The following SLC7A7 variants were observed in gnomAD, a reference collection of about 807,000 sequenced individuals.
SLC7A7 encodes the protein solute carrier family 7 member 7.
SLC7A7 carries 39 observed loss-of-function variants against 47.9 expected under a neutral mutation model. The observed-to-expected ratio is 0.81, with a 90% CI of 0.63 to 1.06. SLC7A7 has a LOEUF of 1.06. Ranked by LOEUF, SLC7A7 falls within the 50% of genes least tolerant of loss-of-function variation. The pLI is 0.00. For synonymous variants in SLC7A7, 234 were observed against 242.8 expected (o/e 0.96, Z 0.34); for missense variants, 588 against 632.0 (o/e 0.93, Z 0.75).
chr14:22,782,191 C>A (rs1328947932), intron 2 of SLC7A7, among the ~76,000 whole-genome samples: 1 of 152,028 alleles, frequency 6.6e-6, no homozygotes, highest in African/African-American at 2.4e-5. Flanking sequence ...CAACATCTGC[C>A]TCCCGGGTTC....
chr14:22,796,802 C>T (rs2039029263), intron 2 of SLC7A7, among the ~76,000 whole-genome samples: 1 of 152,196 alleles, frequency 6.6e-6, no homozygotes, highest in Non-Finnish European at 1.5e-5. Context: ...AGCTGGACTT[C>T]TGGACACCTA....
At chr14:22,813,960 T>C (rs1238388577) in intron 1 of SLC7A7, among the ~76,000 whole-genome samples, 2 of 151,610 alleles carry the variant, frequency 1.3e-5, no homozygotes, top group Non-Finnish European at 2.9e-5. Flanking sequence ...CCAGCTAATT[T>C]TGTATTTTTA....
chr14:22,775,377 T>C, intron 7 of SLC7A7, 67 bp downstream of exon 7: 3 of 1,218,160 alleles, frequency 2.5e-6, no homozygotes, highest in Non-Finnish European at 3.7e-6. Context: ...GCTAGAACAG[T>C]CGCTTCTGCT....
chr14:22,774,278 G>C, intron 8 of SLC7A7, 76 bp downstream of exon 8: 1 of 1,610,110 alleles, frequency 6.2e-7, no homozygotes, highest in Non-Finnish European at 8.5e-7. Context: ...TCTAAATAAA[G>C]TGCTTTGTCA....
At chr14:22,788,765 A>G (rs780300516) in intron 2 of SLC7A7, among the ~76,000 whole-genome samples, 37 of 152,088 alleles carry the variant, frequency 2.4e-4, no homozygotes, top group Admixed American at 6.6e-4. Context: ...GAAGAATCTC[A>G]AACATAATAA....
chr14:22,812,583 G>T (rs1373822892), intron 2 of SLC7A7, among the ~76,000 whole-genome samples: 1 of 149,598 alleles, frequency 6.7e-6, no homozygotes, highest in Non-Finnish European at 1.5e-5. Flanking sequence ...CTGAAGTAAG[G>T]TATAATCACA....
intron 2 of SLC7A7, among the ~76,000 whole-genome samples, chr14:22,809,541 C>T (rs757281434): frequency 1.3e-5 from 2 of 152,102 alleles, no homozygotes; most frequent in African/African-American, 2.4e-5. Flanking sequence ...CGGGGTTTCA[C>T]CATGTTGGCC....
intron 7 of SLC7A7, among the ~76,000 whole-genome samples, chr14:22,774,975 G>A (rs767326643): frequency 2.0e-5 from 3 of 152,092 alleles, no homozygotes; most frequent in Non-Finnish European, 4.4e-5. Context: ...AACCCATACT[G>A]CTTTATCACA....
At chr14:22,785,016 C>T (rs1271533228) in intron 2 of SLC7A7, among the ~76,000 whole-genome samples, 1 of 152,186 alleles carries the variant, frequency 6.6e-6, no homozygotes, top group African/African-American at 2.4e-5. Flanking sequence ...CGGTGGTTCG[C>T]GCCTGTAATC....
At chr14:22,803,920 A>G (rs548446130) in intron 2 of SLC7A7, among the ~76,000 whole-genome samples, 23 of 152,246 alleles carry the variant, frequency 1.5e-4, no homozygotes, top group Admixed American at 1.2e-3. Context: ...TGCTTTATAG[A>G]GCCCAACATG....
At chr14:22,787,326 C>T (rs1367508627) in intron 2 of SLC7A7, among the ~76,000 whole-genome samples, 1 of 152,118 alleles carries the variant, frequency 6.6e-6, no homozygotes, top group Non-Finnish European at 1.5e-5. Context: ...GTCCCAGCTA[C>T]TCGGGAGGCT....
At chr14:22,817,551 G>C (rs1419851351), upstream of SLC7A7, among the ~76,000 whole-genome samples, 1 of 152,166 alleles carries the variant, frequency 6.6e-6, no homozygotes, top group African/African-American at 2.4e-5. Flanking sequence ...ACATTGACCA[G>C]GATGGTCTTA....
intron 2 of SLC7A7, among the ~76,000 whole-genome samples, chr14:22,782,271 T>C (rs755767181): frequency 6.6e-6 from 1 of 150,944 alleles, no homozygotes; most frequent in Non-Finnish European, 1.5e-5. Flanking sequence ...CCCAGCTAAT[T>C]TTTATATTTT....
intron 2 of SLC7A7, among the ~76,000 whole-genome samples, chr14:22,808,526 A>G (rs7146300): frequency 0.61 from 92,655 of 152,126 alleles, 28,609 homozygotes; most frequent in East Asian, 0.8. Context: ...GTGCCTGAAG[A>G]CCAGGCACAA....
chr14:22,780,295 G>A (rs978427897), intron 2 of SLC7A7: 7 of 480,374 alleles, frequency 1.5e-5, no homozygotes, highest in Admixed American at 3.4e-5. Flanking sequence ...AGTGACTGCA[G>A]ATCTGCTTAC....
At chr14:22,810,083 A>G (rs2039280977) in intron 2 of SLC7A7, among the ~76,000 whole-genome samples, 1 of 150,798 alleles carries the variant, frequency 6.6e-6, no homozygotes, top group Admixed American at 6.6e-5. Flanking sequence ...GCAGAAAATT[A>G]AAAAGGGTTG....
intron 4 of SLC7A7, among the ~76,000 whole-genome samples, chr14:22,776,950 C>T (rs2038621318): frequency 6.8e-6 from 1 of 146,288 alleles, no homozygotes; most frequent in African/African-American, 2.6e-5. Flanking sequence ...GCATGGGCGA[C>T]AGAGCGAGAC....
chr14:22,776,399 C>A, intron 4 of SLC7A7, 81 bp from the exon 5 acceptor site: 1 of 1,566,494 alleles, frequency 6.4e-7, no homozygotes, highest in Middle Eastern at 1.7e-4. Flanking sequence ...CTCTCCCTGC[C>A]ACACCGGTCT....
chr14:22,778,233 C>A (rs1233151491), intron 4 of SLC7A7, among the ~76,000 whole-genome samples: 2 of 152,196 alleles, frequency 1.3e-5, no homozygotes, highest in African/African-American at 2.4e-5. Flanking sequence ...GCAACTCCCT[C>A]AAGGTTAGCC....
Sources: gnomAD v4.1 joint callset for allele counts (sites outside exome capture counted in the v4.1 genomes callset) on GRCh38, gnomAD v4.1.1 for gene constraint, MANE v1.5 for transcripts, NCBI Gene and HGNC (gene_info 2026-07-23, HGNC 2026-07-21) for gene names.